Variants in TMEM245 observed in about 807,000 individuals in gnomAD.
TMEM245 encodes the protein transmembrane protein 245.
TMEM245 carries 69 observed loss-of-function variants against 101.2 expected under a neutral mutation model. The observed-to-expected ratio is 0.68, with a 90% CI of 0.56 to 0.83. The LOEUF is 0.83. TMEM245 is among the 40% of genes least tolerant of loss of function. The probability of loss-of-function intolerance (pLI) is 0.00; values close to 1 mark genes in which losing one functional copy is unlikely to be tolerated. For missense variants in TMEM245, 1,075 were observed against 1,092.8 expected (o/e 0.98, Z 0.23); for synonymous variants, 537 against 449.8 (o/e 1.19, Z -2.45).
Position 109,018,889 on chromosome 9 carries a change from G to C in TMEM245, c.*1571C>G, listed in dbSNP as rs766180447. The C allele has an allele frequency of 1.4e-5, 2 of 146,772 alleles. No homozygotes were observed. The highest frequency in any genetic ancestry group is 5.2e-5 in the African/African-American group (2 of 38,572). 9.1% of individuals were successfully genotyped at this position (146,772 alleles called of 1,614,324 possible). A position where few individuals can be genotyped will look rare whatever the true frequency, so the allele number is the denominator to read the frequency against. ...TAGCTCAGACTATAGCCACACCACC[G>C]TGCCCAGCTAATTTTTTTTTTTTTT... is the stretch of plus-strand genomic sequence containing the variant. On this transcript the variant is annotated 3_prime_UTR_variant, in exon 18 of 18. Coordinates refer to ENST00000374586, the MANE Select transcript of TMEM245 (RefSeq NM_032012.4).
At chr9:109,064,621 CAA>C in intron 9 of TMEM245, 54 bp from the exon 10 acceptor site, 2 of 1,469,342 alleles carry the variant, frequency 1.4e-6, no homozygotes, top group East Asian at 4.6e-5. Flanking sequence ...TGTAGTGTAC[CAA>C]TAATGCTTTG....
At chr9:109,083,810 C>A (rs1160696139) in intron 7 of TMEM245, among the ~76,000 whole-genome samples, 1 of 146,822 alleles carries the variant, frequency 6.8e-6, no homozygotes, top group Non-Finnish European at 1.5e-5. Flanking sequence ...AATCCTAACA[C>A]TTTAGGAGGC....
At chr9:109,075,226 C>T (rs1034868691) in intron 8 of TMEM245, among the ~76,000 whole-genome samples, 2 of 152,160 alleles carry the variant, frequency 1.3e-5, no homozygotes, top group Non-Finnish European at 2.9e-5. Flanking sequence ...AAATAAACCT[C>T]ACATAGATAT....
chr9:109,023,697 G>A (rs377498377), intron 17 of TMEM245, among the ~76,000 whole-genome samples: 17 of 152,052 alleles, frequency 1.1e-4, no homozygotes, highest in East Asian at 5.8e-4. Flanking sequence ...TTAGCCGGGC[G>A]TGGTCGCGGG....
intron 10 of TMEM245, among the ~76,000 whole-genome samples, chr9:109,061,013 G>T (rs571846955): frequency 2.6e-4 from 40 of 152,248 alleles, no homozygotes; most frequent in Non-Finnish European, 4.9e-4. Context: ...ATTATAAAAT[G>T]TTGTCCCACT....
At chr9:109,034,485 C>A (rs752342707) in intron 16 of TMEM245, among the ~76,000 whole-genome samples, 26 of 152,330 alleles carry the variant, frequency 1.7e-4, no homozygotes, top group Non-Finnish European at 3.5e-4. Flanking sequence ...TCCGCTCCAT[C>A]ACCCAGGCTG....
At chr9:109,030,894 T>C (rs781407275) in intron 17 of TMEM245, among the ~76,000 whole-genome samples, 1 of 152,158 alleles carries the variant, frequency 6.6e-6, no homozygotes, top group Non-Finnish European at 1.5e-5. Context: ...AAAACAAAAT[T>C]AAGCAGAATC....
At chr9:109,088,996 G>A (rs117256210) in intron 5 of TMEM245, among the ~76,000 whole-genome samples, 1,814 of 151,956 alleles carry the variant, frequency 0.012, 12 homozygotes, top group East Asian at 0.025. Flanking sequence ...CATATAGGCC[G>A]GGGACGGTGA....
In TMEM245 at chr9:109,058,934, C is replaced by T. The variant is rs79301963; in HGVS notation, c.1722+1420G>A. 2.7e-3 allele frequency among the ~76,000 whole-genome samples: 412 copies of T among 152,274 alleles called. 3 individuals carry two copies. The highest frequency in any genetic ancestry group is 9.3e-3 in the African/African-American group (388 of 41,560). On this transcript the variant is annotated intron_variant, in intron 11 of 17. Transcript: ENST00000374586. ...AAATATGCCAATTTTGTACAAAGAA[C>T]TGGAGCATCCCTGGATTTTGGTACC...
chr9:109,103,293 G>A (rs1375958077), intron 3 of TMEM245, among the ~76,000 whole-genome samples: 2 of 152,172 alleles, frequency 1.3e-5, no homozygotes, highest in Non-Finnish European at 2.9e-5. Flanking sequence ...AAAATCTGTT[G>A]TATTTCTACC....
intron 7 of TMEM245, among the ~76,000 whole-genome samples, chr9:109,082,722 T>C (rs763566445): frequency 5.3e-5 from 8 of 152,202 alleles, no homozygotes; most frequent in Admixed American, 1.3e-4. Context: ...CTTAGAAACA[T>C]GTTTGAGTAT....
chr9:109,062,164 C>A (rs1465136499), intron 10 of TMEM245, among the ~76,000 whole-genome samples: 1 of 152,066 alleles, frequency 6.6e-6, no homozygotes. Context: ...TGACACCAGA[C>A]AGAGCTAATT....
chr9:109,035,987 CAA>C (rs1828108577), intron 16 of TMEM245: 28 of 81,292 alleles, frequency 3.4e-4, no homozygotes, highest in African/African-American at 2.2e-3. Context: ...GGGGCAACAA[CAA>C]CCAAAAAAAA....
In TMEM245 at chr9:109,088,386, C is replaced by T. The variant is rs138764967; in HGVS notation, c.1151-1044G>A. Reference sequence around the variant, plus strand: ...CCACCTTATTCACAGCCTGCTGTCCCAAGATCATGTCAAATTCCTATGATG... The same window carrying T: ...CCACCTTATTCACAGCCTGCTGTCCTAAGATCATGTCAAATTCCTATGATG... On this transcript the variant is annotated intron_variant, in intron 5 of 17. Coordinates refer to ENST00000374586, the MANE Select transcript of TMEM245 (RefSeq NM_032012.4). 6.5e-3 allele frequency among the ~76,000 whole-genome samples: 986 copies of T among 152,242 alleles called. 9 individuals carry two copies. The highest frequency in any genetic ancestry group is 0.011 in the Non-Finnish European group (766 of 68,004).
At position 109,044,152 on chromosome 9, in the gene TMEM245, C is replaced by T. The variant is rs1178885138; in HGVS notation, c.2124-6035G>A. 5.3e-5 allele frequency among the ~76,000 whole-genome samples: 8 copies of T among 152,298 alleles called. No homozygotes were observed. In the South Asian group the frequency reaches 6.2e-4, roughly 12 times the overall value. Reference sequence around the variant, plus strand: ...CTAGGATGAAACTTACTTTTTCACACGTTTCCTGATACTTAACTTTAGCTC... The same window carrying T: ...CTAGGATGAAACTTACTTTTTCACATGTTTCCTGATACTTAACTTTAGCTC... On this transcript the variant is annotated intron_variant, in intron 14 of 17. Coordinates refer to ENST00000374586, the MANE Select transcript of TMEM245 (RefSeq NM_032012.4).
intron 1 of TMEM245, among the ~76,000 whole-genome samples, chr9:109,118,564 G>GT (rs1830792656): frequency 6.6e-6 from 1 of 152,194 alleles, no homozygotes; most frequent in Non-Finnish European, 1.5e-5. Flanking sequence ...CCCTGGTTTT[G>GT]TAAGAGTAAG....
intron 14 of TMEM245, chr9:109,038,870 A>G (rs1828218459): frequency 6.6e-6 from 1 of 152,292 alleles, no homozygotes; most frequent in South Asian, 2.1e-4. Context: ...AAGGCAGTGC[A>G]GCACTATAAG....
intron 9 of TMEM245, among the ~76,000 whole-genome samples, chr9:109,070,466 C>T (rs1480493028): frequency 6.6e-6 from 1 of 152,208 alleles, no homozygotes; most frequent in African/African-American, 2.4e-5. Flanking sequence ...ACCAACTAAC[C>T]CCCTTAAGAC....
intron 9 of TMEM245, among the ~76,000 whole-genome samples, chr9:109,070,223 A>AT (rs1013777515): frequency 1.3e-5 from 2 of 152,116 alleles, no homozygotes; most frequent in Non-Finnish European, 2.9e-5. Flanking sequence ...GCAACTGCCC[A>AT]TTTTTTAACT....
Sources: allele counts gnomAD v4.1 joint callset (sites outside exome capture counted in the v4.1 genomes callset), GRCh38; gene constraint gnomAD v4.1.1; transcripts MANE v1.5; gene names NCBI Gene and HGNC (gene_info 2026-07-23, HGNC 2026-07-21).